The following ACYP2 variants were observed in gnomAD, a reference collection of about 807,000 sequenced individuals.
ACYP2 encodes the protein acylphosphatase-2.
Under a neutral mutation model 11.2 loss-of-function variants are expected in ACYP2, and 12 were observed. The observed-to-expected ratio is 1.08, with a 90% CI of 0.69 to 1.74. The LOEUF is 1.74. ACYP2 is among the 40% of genes most tolerant of loss of function. ACYP2 has a pLI of 0.00. For missense variants in ACYP2, 134 were observed against 101.9 expected (o/e 1.31, Z -1.35); for synonymous variants, 43 against 32.2 (o/e 1.33, Z -1.13).
At chr2:54,195,179 T>G (rs1423843877) in intron 6 of ACYP2, among the ~76,000 whole-genome samples, 1 of 152,198 alleles carries the variant, frequency 6.6e-6, no homozygotes, top group African/African-American at 2.4e-5. Flanking sequence ...CCTTTGGGAA[T>G]GTGGTCACTG....
chr2:54,138,863 G>A (rs1681429502), intron 6 of ACYP2, 115 bp downstream of exon 3: 6 of 779,294 alleles, frequency 7.7e-6, no homozygotes, highest in African/African-American at 3.5e-5. Context: ...CACAATCTCG[G>A]CTCACTACAA....
At chr2:54,275,974 G>T (rs1688544697) in intron 6 of ACYP2, among the ~76,000 whole-genome samples, 1 of 152,010 alleles carries the variant, frequency 6.6e-6, no homozygotes, top group South Asian at 2.1e-4. Context: ...ATATTTATAT[G>T]TCATATATCT....
intron 2 of ACYP2, among the ~76,000 whole-genome samples, chr2:54,032,524 T>C (rs1197717519): frequency 6.6e-6 from 1 of 152,242 alleles, no homozygotes; most frequent in Non-Finnish European, 1.5e-5. Flanking sequence ...CTTTGGTTAC[T>C]GTAGCTTTGT....
intron 6 of ACYP2, chr2:54,166,828 G>T (rs944729458): frequency 6.6e-6 from 1 of 151,948 alleles, no homozygotes; most frequent in Non-Finnish European, 1.5e-5. Context: ...ACCCCAGTTC[G>T]CTGGCAATGC....
At chr2:54,104,590 C>T (rs1319209080) in intron 4 of ACYP2, among the ~76,000 whole-genome samples, 2 of 152,134 alleles carry the variant, frequency 1.3e-5, no homozygotes, top group Non-Finnish European at 2.9e-5. Flanking sequence ...AAACAGTCAC[C>T]TTACAGGCTA....
chr2:54,164,097 G>A (rs1682847054), intron 6 of ACYP2, among the ~76,000 whole-genome samples: 1 of 152,166 alleles, frequency 6.6e-6, no homozygotes, highest in South Asian at 2.1e-4. Flanking sequence ...GCTAATGGCT[G>A]GTAAGGCTGA....
intron 4 of ACYP2, among the ~76,000 whole-genome samples, chr2:54,119,191 T>TA (rs1679999351): frequency 6.7e-6 from 1 of 149,828 alleles, no homozygotes; most frequent in African/African-American, 2.5e-5. Flanking sequence ...TAGTTGGGAC[T>TA]ACAGGCATGA....
At chr2:54,165,486 GTCTGTCTCTC>G (rs1682910924) in intron 6 of ACYP2, among the ~76,000 whole-genome samples, 1 of 150,574 alleles carries the variant, frequency 6.6e-6, no homozygotes, top group African/African-American at 2.5e-5. Context: ...CTGTGTGTGT[GTCTGTCTCTC>G]TCTGTCTCTC....
At chr2:54,207,189 G>GTGTGTGTGTGTA (rs1404706902) in intron 6 of ACYP2, among the ~76,000 whole-genome samples, 1 of 151,240 alleles carries the variant, frequency 6.6e-6, no homozygotes, top group Non-Finnish European at 1.5e-5. Flanking sequence ...GTGTGTGTGT[G>GTGTGTGTGTGTA]TGTGTGTGTG....
chr2:54,060,753 G>A (rs1676428340), intron 4 of ACYP2, among the ~76,000 whole-genome samples: 2 of 152,158 alleles, frequency 1.3e-5, no homozygotes, highest in African/African-American at 4.8e-5. Context: ...ATGCTTCTAA[G>A]TCCTCAGCCT....
At chr2:54,108,093 T>C (rs1372701566) in intron 4 of ACYP2, among the ~76,000 whole-genome samples, 1 of 152,138 alleles carries the variant, frequency 6.6e-6, no homozygotes, top group African/African-American at 2.4e-5. Flanking sequence ...CAGTGAACAG[T>C]CAGTTAACAA....
chr2:54,146,182 AACTT>A (rs1681871913), intron 6 of ACYP2, among the ~76,000 whole-genome samples: 1 of 152,194 alleles, frequency 6.6e-6, no homozygotes, highest in Admixed American at 6.5e-5. Context: ...ATAGTTCCAT[AACTT>A]ACAGTGTTGC....
rs117177948 is a variant in ACYP2 at position 54,110,465 on chromosome 2, G to A, written c.278-24988G>A. Among the ~76,000 whole-genome samples the A allele has an allele frequency of 2.4e-3, 361 of 152,206 alleles. 4 individuals carry two copies. The highest frequency in any genetic ancestry group is 8.2e-3 in the African/African-American group (342 of 41,518). ...TAAAAAATGTCTTGTTCAAGTTTAC[G>A]TACTCAAATCAGGATCCAAACAAGG... On this transcript the variant is annotated intron_variant, in intron 4 of 6. Transcript: ENST00000607452.
intron 6 of ACYP2, among the ~76,000 whole-genome samples, chr2:54,300,587 A>G (rs1423232098): frequency 1.3e-5 from 2 of 152,234 alleles, no homozygotes; most frequent in Non-Finnish European, 2.9e-5. Flanking sequence ...ATCATTGCCC[A>G]GCTTCTCCCT....
chr2:53,981,404 C>A (rs1671757444), intron 2 of ACYP2, among the ~76,000 whole-genome samples: 1 of 152,192 alleles, frequency 6.6e-6, no homozygotes, highest in African/African-American at 2.4e-5. Flanking sequence ...CCATTGTCCA[C>A]TTGGTGTACC....
intron 6 of ACYP2, among the ~76,000 whole-genome samples, chr2:54,265,592 G>C (rs577151137): frequency 2.6e-5 from 4 of 152,182 alleles, no homozygotes; most frequent in Non-Finnish European, 5.9e-5. Flanking sequence ...TTATGACTTT[G>C]GGCAAACGCT....
intron 4 of ACYP2, among the ~76,000 whole-genome samples, chr2:54,088,164 C>T (rs956429634): frequency 5.3e-5 from 8 of 152,146 alleles, no homozygotes; most frequent in Non-Finnish European, 1.2e-4. Context: ...GAGCCAAAAG[C>T]GTGTTGCTAG....
At chr2:54,079,397 T>G (rs888069496) in intron 4 of ACYP2, among the ~76,000 whole-genome samples, 1 of 152,232 alleles carries the variant, frequency 6.6e-6, no homozygotes, top group African/African-American at 2.4e-5. Flanking sequence ...GTGGCTGATT[T>G]AGGAATCACA....
intron 6 of ACYP2, among the ~76,000 whole-genome samples, chr2:54,226,189 G>T (rs1422611502): frequency 6.6e-6 from 1 of 152,184 alleles, no homozygotes; most frequent in Admixed American, 6.5e-5. Context: ...ACATGATGTA[G>T]TGGATGTCTT....
Sources: gnomAD v4.1 joint callset for allele counts (sites outside exome capture counted in the v4.1 genomes callset) on GRCh38, gnomAD v4.1.1 for gene constraint, MANE v1.5 for transcripts, NCBI Gene and HGNC (gene_info 2026-07-23, HGNC 2026-07-21) for gene names.